DPH6: variants seen among roughly 807,000 people sequenced by gnomAD.
DPH6 encodes diphthamine biosynthesis 6, also known as diphthine--ammonia ligase.
Under a neutral mutation model 38.2 loss-of-function variants are expected in DPH6, and 33 were observed. The ratio of observed to expected loss-of-function variants is 0.86; its 90% CI spans 0.65 to 1.15. The LOEUF (loss-of-function observed/expected upper bound fraction) is 1.15, where lower values mean the gene tolerates loss of function less well. Ranked by LOEUF, DPH6 falls within the 50% of genes most tolerant of loss-of-function variation. The probability of loss-of-function intolerance (pLI) is 0.00; values close to 1 mark genes in which losing one functional copy is unlikely to be tolerated. For synonymous variants in DPH6, 108 were observed against 103.0 expected (o/e 1.05, Z -0.30); for missense variants, 325 against 320.0 (o/e 1.02, Z -0.12).
the DPH6 span, among the ~76,000 whole-genome samples, chr15:35,162,292 G>A: frequency 1.5e-4 from 23 of 151,964 alleles, no homozygotes; most frequent in African/African-American, 4.3e-4. Context: ...GCCTGAAATC[G>A]TTCATGGCAT....
intron 3 of DPH6, among the ~76,000 whole-genome samples, chr15:35,504,761 C>T (rs1307733483): frequency 6.6e-6 from 1 of 152,026 alleles, no homozygotes; most frequent in Non-Finnish European, 1.5e-5. Flanking sequence ...TATGAAATGC[C>T]TCAACACTTA....
At chr15:35,407,057 G>A (rs1452054397) in intron 6 of DPH6, among the ~76,000 whole-genome samples, 1 of 151,838 alleles carries the variant, frequency 6.6e-6, no homozygotes, top group African/African-American at 2.4e-5. Flanking sequence ...AGAAGCCAAT[G>A]GATGACAGTT....
the DPH6 span, among the ~76,000 whole-genome samples, chr15:35,162,772 G>A: frequency 6.6e-6 from 1 of 151,800 alleles, no homozygotes; most frequent in Non-Finnish European, 1.5e-5. Context: ...CTCAAGAGCA[G>A]ACCCTCTCTA....
At chr15:35,544,101 T>C (rs1421064555) in intron 1 of DPH6, among the ~76,000 whole-genome samples, 2 of 152,190 alleles carry the variant, frequency 1.3e-5, no homozygotes, top group African/African-American at 4.8e-5. Context: ...AGAACTCCAT[T>C]AAGTACACAT....
chr15:35,480,388 A>T (rs2054312613), intron 3 of DPH6, among the ~76,000 whole-genome samples: 1 of 152,118 alleles, frequency 6.6e-6, no homozygotes, highest in African/African-American at 2.4e-5. Context: ...TGATTTTTAA[A>T]ACTGAATTTC....
At chr15:35,161,947 C>T in the DPH6 span, among the ~76,000 whole-genome samples, 3 of 151,896 alleles carry the variant, frequency 2.0e-5, no homozygotes, top group Non-Finnish European at 4.4e-5. Flanking sequence ...CAGGTTACCC[C>T]ATTTTGATAA....
At chr15:35,307,440 T>A (rs1166967216) in intron 3 of DPH6, among the ~76,000 whole-genome samples, 1 of 152,142 alleles carries the variant, frequency 6.6e-6, no homozygotes, top group Non-Finnish European at 1.5e-5. Flanking sequence ...TAAAGGTGAC[T>A]GAAGAGACTA....
chr15:35,174,500 A>G, the DPH6 span, among the ~76,000 whole-genome samples: 1 of 152,344 alleles, frequency 6.6e-6, no homozygotes, highest in African/African-American at 2.4e-5. Context: ...ATTCAGAAAC[A>G]GAAAAACTAG....
At chr15:35,197,577 T>A in the DPH6 span, among the ~76,000 whole-genome samples, 3 of 152,206 alleles carry the variant, frequency 2.0e-5, no homozygotes, top group Non-Finnish European at 4.4e-5. Context: ...TGGCAATGAA[T>A]CTTATTTTAC....
intron 3 of DPH6, among the ~76,000 whole-genome samples, chr15:35,469,803 C>T (rs963715427): frequency 7.9e-5 from 12 of 151,920 alleles, no homozygotes; most frequent in Admixed American, 3.3e-4. Flanking sequence ...TGAAGAGATA[C>T]GATAAAACAG....
At chr15:35,466,746 T>A (rs545439779) in intron 3 of DPH6, among the ~76,000 whole-genome samples, 4 of 152,346 alleles carry the variant, frequency 2.6e-5, no homozygotes, top group Non-Finnish European at 5.9e-5. Context: ...GTATAGCCTA[T>A]TGCTCCTAGG....
intron 3 of DPH6, among the ~76,000 whole-genome samples, chr15:35,500,737 T>C (rs1326522565): frequency 6.6e-6 from 1 of 152,188 alleles, no homozygotes; most frequent in East Asian, 1.9e-4. Context: ...GATTTTAGTA[T>C]GTGTTCCCTT....
At chr15:35,168,310 CTTGAAA>C in the DPH6 span, among the ~76,000 whole-genome samples, 7 of 151,886 alleles carry the variant, frequency 4.6e-5, no homozygotes, top group African/African-American at 1.2e-4. Context: ...AATGTATTGC[CTTGAAA>C]AGAGAAGAGA....
intron 6 of DPH6, among the ~76,000 whole-genome samples, chr15:35,395,943 C>T (rs796334623): frequency 1.8e-4 from 27 of 152,284 alleles, no homozygotes; most frequent in African/African-American, 6.3e-4. Context: ...ATCAGTACCA[C>T]ATGACATTAT....
intron 3 of DPH6, among the ~76,000 whole-genome samples, chr15:35,461,230 C>T (rs1053468763): frequency 1.3e-5 from 2 of 152,282 alleles, no homozygotes; most frequent in Non-Finnish European, 2.9e-5. Flanking sequence ...ACTACAGGCG[C>T]GTGCCACCAT....
chr15:35,542,185 C>A (rs2055262381), intron 2 of DPH6, among the ~76,000 whole-genome samples: 1 of 151,938 alleles, frequency 6.6e-6, no homozygotes, highest in Non-Finnish European at 1.5e-5. Context: ...GCTTCAGGAT[C>A]CCTGTCTATT....
chr15:35,410,709 A>G (rs760413833), intron 6 of DPH6, 126 bp downstream of exon 6: 9 of 713,634 alleles, frequency 1.3e-5, no homozygotes, highest in Non-Finnish European at 1.9e-5. Context: ...TAATTTTTTC[A>G]TAAATATATT....
At chr15:35,522,058 G>C (rs1566939275) in intron 3 of DPH6, 2 of 1,601,276 alleles carry the variant, frequency 1.2e-6, no homozygotes, top group Admixed American at 1.7e-5. Flanking sequence ...TTTTAAACAG[G>C]AAAAGGGTTG....
At chr15:35,355,074 T>TA (rs879766993) in intron 3 of DPH6, among the ~76,000 whole-genome samples, 9 of 152,234 alleles carry the variant, frequency 5.9e-5, no homozygotes, top group African/African-American at 2.2e-4. Flanking sequence ...TTTGTTGGTT[T>TA]AAAGTCTGTT....
Sources: allele counts gnomAD v4.1 joint callset (sites outside exome capture counted in the v4.1 genomes callset), GRCh38; gene constraint gnomAD v4.1.1; transcripts MANE v1.5; gene names NCBI Gene and HGNC (gene_info 2026-07-23, HGNC 2026-07-21).